ACOT12: variants seen among roughly 807,000 people sequenced by gnomAD.
The protein encoded by ACOT12 is acetyl-coenzyme A thioesterase.
Under a neutral mutation model 67.7 loss-of-function variants are expected in ACOT12, and 51 were observed. The observed-to-expected ratio is 0.75, with a 90% confidence interval of 0.60 to 0.95. ACOT12 has a LOEUF of 0.95. Among genes scored for constraint, ACOT12 ranks in the 40% least tolerant of loss-of-function variants. ACOT12 has a pLI of 0.00. For missense variants in ACOT12, 734 were observed against 708.1 expected (o/e 1.04, Z -0.41); for synonymous variants, 251 against 244.6 (o/e 1.03, Z -0.24).
At chr5:81,321,036 G>A in the ACOT12 span, among the ~76,000 whole-genome samples, 4 of 152,042 alleles carry the variant, frequency 2.6e-5, no homozygotes, top group African/African-American at 2.4e-5. Context: ...TGGGTGGATC[G>A]CTTGAATCCA....
chr5:81,331,234 T>C (rs531975194), intron 13 of ACOT12, among the ~76,000 whole-genome samples: 1 of 152,290 alleles, frequency 6.6e-6, no homozygotes, highest in South Asian at 2.1e-4. Context: ...TCAGCCTCCT[T>C]TCCTTTTTAA....
At chr5:81,344,020 A>AT in intron 9 of ACOT12, 139 bp from the exon 10 acceptor site, 1 of 1,217,174 alleles carries the variant, frequency 8.2e-7, no homozygotes, top group Non-Finnish European at 1.2e-6. Flanking sequence ...TCCATAAGTC[A>AT]GTAGTCAGCC....
intron 2 of ACOT12, among the ~76,000 whole-genome samples, chr5:81,373,731 A>C (rs978576316): frequency 6.6e-6 from 1 of 152,154 alleles, no homozygotes; most frequent in Non-Finnish European, 1.5e-5. Context: ...TTTTACCCTT[A>C]CAGTGTAAAC....
At position 81,375,018 on chromosome 5, in the gene ACOT12, C is replaced by G. The variant is rs140230210; in HGVS notation, c.198-3208G>C. On this transcript the variant is annotated intron_variant, in intron 2 of 14. Transcript: ENST00000307624. Reference sequence around the variant, plus strand: ...CCACAAAGGTACTTCTTGAGAAGAGCAACCCTAAGACACATAATTGTCAGA... The same window carrying G: ...CCACAAAGGTACTTCTTGAGAAGAGGAACCCTAAGACACATAATTGTCAGA... Among the ~76,000 whole-genome samples, 383 of 152,222 alleles carry G rather than the reference C, an allele frequency of 2.5e-3. 1 individual carries two copies. Among genetic ancestry groups the G allele is most frequent in the African/African-American group, 9.0e-3 (375 of 41,510 alleles).
chr5:81,384,117 C>CTTTTT (rs35675731), intron 2 of ACOT12, among the ~76,000 whole-genome samples: 18 of 118,690 alleles, frequency 1.5e-4, no homozygotes, highest in Non-Finnish European at 2.4e-4. Flanking sequence ...CATAGGTGTA[C>CTTTTT]TTTTTTTTTT....
At chr5:81,357,234 C>A (rs1759745046) in intron 5 of ACOT12, among the ~76,000 whole-genome samples, 1 of 152,144 alleles carries the variant, frequency 6.6e-6, no homozygotes, top group African/African-American at 2.4e-5. Context: ...TTAGAGTCTA[C>A]AGCTCTCTAT....
chr5:81,342,794 A>C, intron 10 of ACOT12, 39 bp from the exon 11 acceptor site: 1 of 1,588,278 alleles, frequency 6.3e-7, no homozygotes, highest in Non-Finnish European at 8.6e-7. Flanking sequence ...CTATGTGTTC[A>C]ATACATGGAT....
chr5:81,368,257 A>G (rs1350000854), intron 3 of ACOT12, among the ~76,000 whole-genome samples: 3 of 152,178 alleles, frequency 2.0e-5, no homozygotes, highest in Non-Finnish European at 4.4e-5. Context: ...GCACCACCGC[A>G]CTACAGCCTG....
the ACOT12 span, among the ~76,000 whole-genome samples, chr5:81,319,772 C>G: frequency 6.6e-6 from 1 of 152,026 alleles, no homozygotes; most frequent in South Asian, 2.1e-4. Flanking sequence ...TTCCTATCCC[C>G]CAATGCTCAC....
At chr5:81,350,004 A>G (rs1203641468) in intron 5 of ACOT12, among the ~76,000 whole-genome samples, 1 of 152,220 alleles carries the variant, frequency 6.6e-6, no homozygotes, top group African/African-American at 2.4e-5. Context: ...ATTACTAATG[A>G]GTTCCAACAT....
intron 2 of ACOT12, among the ~76,000 whole-genome samples, chr5:81,375,185 T>G (rs1760373226): frequency 6.6e-6 from 1 of 152,182 alleles, no homozygotes. Flanking sequence ...GCGGCCAATA[T>G]TCAACATTCT....
At chr5:81,392,695 G>A (rs1051409714) in intron 1 of ACOT12, among the ~76,000 whole-genome samples, 1 of 151,694 alleles carries the variant, frequency 6.6e-6, no homozygotes, top group African/African-American at 2.4e-5. Context: ...TCCTATGTGT[G>A]GATTAATTTT....
intron 10 of ACOT12, 128 bp from the exon 11 acceptor site, chr5:81,342,883 T>A (rs754657924): frequency 2.1e-6 from 2 of 974,844 alleles, no homozygotes; most frequent in Admixed American, 2.2e-5. Flanking sequence ...TAATGTTGAG[T>A]TTAGAACTAA....
At chr5:81,383,042 T>C (rs1267162351) in intron 2 of ACOT12, among the ~76,000 whole-genome samples, 1 of 152,194 alleles carries the variant, frequency 6.6e-6, no homozygotes, top group Non-Finnish European at 1.5e-5. Flanking sequence ...ACAGAATGGT[T>C]GTAGTCTATG....
chr5:81,363,856 T>C lies in ACOT12; in HGVS notation c.292A>G (p.Thr98Ala), dbSNP rs1759993559. The change falls in exon 4 of 15, where the codon ACT becomes GCT. Residue 98 changes from threonine (T) to alanine (A), a missense_variant. By Grantham distance (58) the Thr-to-Ala change is moderately conservative. Transcript: ENST00000307624. Reference sequence around the variant, plus strand: ...ACACTAACAAGCTTCTCAATGCCAGTGAGCATATCCTGTACCATGACCTTG... The same window carrying C: ...ACACTAACAAGCTTCTCAATGCCAGCGAGCATATCCTGTACCATGACCTTG... ...SIKVMVQDML[T>A]GIEKLVSVAF... The C allele has an allele frequency of 6.2e-7, 1 of 1,612,026 alleles. No homozygotes were observed. Among genetic ancestry groups the C allele is most frequent in the African/African-American group, 1.3e-5 (1 of 74,864 alleles).
Position 81,343,866 on chromosome 5 carries a change from G to A in ACOT12, c.996C>T (p.Ser332=), listed in dbSNP as rs750321424. The A allele has an allele frequency of 4.3e-6, 7 of 1,613,044 alleles. No homozygotes were observed. The South Asian group carries it at 7.7e-5, about 18-fold the overall frequency. ...TGCAAAGTGGAACCTCTTCTTTGTGGGAAATAACATATTTTCTGGAAAAAA... is the reference window on the plus strand; with the variant it reads ...TGCAAAGTGGAACCTCTTCTTTGTGAGAAATAACATATTTTCTGGAAAAAA... The part of the protein sequence containing the change: ...RIRLGRKYVI[S]HKEEVPLCIH... The change falls in exon 10 of 15, where the codon TCC becomes TCT. Residue 332 remains serine (S), a synonymous_variant. Transcript: ENST00000307624.
At chr5:81,373,586 G>A (rs539790918) in intron 2 of ACOT12, among the ~76,000 whole-genome samples, 11 of 152,288 alleles carry the variant, frequency 7.2e-5, no homozygotes, top group East Asian at 5.8e-4. Context: ...CGGGTCCCAC[G>A]CTCACGGAGC....
chr5:81,350,103 C>T (rs191847108), intron 5 of ACOT12, among the ~76,000 whole-genome samples: 30 of 152,184 alleles, frequency 2.0e-4, no homozygotes, highest in African/African-American at 6.0e-4. Flanking sequence ...GTCTCATTTC[C>T]GGAGAATTTT....
chr5:81,358,006 A>G (rs13170970), intron 5 of ACOT12, among the ~76,000 whole-genome samples: 6 of 113,380 alleles, frequency 5.3e-5, no homozygotes, highest in African/African-American at 2.5e-4. Context: ...ACCCCATCTC[A>G]CAAAAAAAAA....
Sources: allele counts gnomAD v4.1 joint callset (sites outside exome capture counted in the v4.1 genomes callset), GRCh38; gene constraint gnomAD v4.1.1; transcripts MANE v1.5; gene names NCBI Gene and HGNC (gene_info 2026-07-23, HGNC 2026-07-21).